P2RY14: variants seen among roughly 807,000 people sequenced by gnomAD.
P2RY14 encodes the protein P2Y purinoceptor 14.
In P2RY14, 2 loss-of-function variants were observed where a neutral mutation model predicts 0.9. The ratio of observed to expected loss-of-function variants is 2.16; its 90% CI spans 0.88 to 6.79. P2RY14 has a LOEUF of 6.79. Among genes scored for constraint, P2RY14 ranks in the 30% most tolerant of loss-of-function variants. The pLI is 0.05. For missense variants in P2RY14, 378 were observed against 400.1 expected (o/e 0.94, Z 0.47); for synonymous variants, 158 against 147.2 (o/e 1.07, Z -0.53).
At chr3:151,231,482 G>A (rs1424267841) in intron 1 of P2RY14, among the ~76,000 whole-genome samples, 3 of 152,166 alleles carry the variant, frequency 2.0e-5, no homozygotes, top group African/African-American at 7.2e-5. Flanking sequence ...TTAGTTAGAT[G>A]TACACAACAT....
chr3:151,257,172 C>T (rs968080701), intron 1 of P2RY14, among the ~76,000 whole-genome samples: 5 of 152,152 alleles, frequency 3.3e-5, no homozygotes, highest in African/African-American at 7.2e-5. Context: ...GAAGTGACCT[C>T]GCCTGGAAAG....
chr3:151,230,540 G>A (rs1192979183), intron 1 of P2RY14, among the ~76,000 whole-genome samples: 13 of 150,264 alleles, frequency 8.7e-5, no homozygotes, highest in African/African-American at 1.5e-4. Context: ...ACTGTGAAAC[G>A]TGCCAGGACT....
At position 151,212,960 on chromosome 3, in the gene P2RY14, A is replaced by C. The variant is rs118114705; in HGVS notation, c.*340T>G. On this transcript the variant is annotated 3_prime_UTR_variant, in exon 3 of 3. Coordinates refer to ENST00000309170, the MANE Select transcript of P2RY14 (RefSeq NM_014879.4). ...ATGCCTGAGTGAGTTGTCTTTGATT[A>C]TGTTGTGTTTTATTTACTATTTAAA... The C allele has an allele frequency of 6.4e-4, 100 of 157,296 alleles. 1 individual carries two copies. The East Asian group carries it at 0.017, about 27-fold the overall frequency. The allele number at this position is 157,296 out of a possible 1,614,324, so 9.7% of individuals were successfully genotyped here.
chr3:151,243,655 C>A (rs1320871001), intron 1 of P2RY14, among the ~76,000 whole-genome samples: 1 of 151,776 alleles, frequency 6.6e-6, no homozygotes, highest in Non-Finnish European at 1.5e-5. Context: ...CCAGCCGCTG[C>A]AAAATCATGC....
intron 1 of P2RY14, among the ~76,000 whole-genome samples, chr3:151,273,400 G>GTTTT (rs1167031698): frequency 2.7e-5 from 2 of 73,122 alleles, no homozygotes; most frequent in South Asian, 6.0e-4. Context: ...GCTAATTTTT[G>GTTTT]TATTTTTTTT....
chr3:151,222,621 T>A (rs939388606), intron 1 of P2RY14, among the ~76,000 whole-genome samples: 3 of 152,254 alleles, frequency 2.0e-5, no homozygotes, highest in African/African-American at 7.2e-5. Flanking sequence ...TTGTGAAGCC[T>A]CCTCAGCCAT....
At chr3:151,230,324 T>C (rs1360497570) in intron 1 of P2RY14, among the ~76,000 whole-genome samples, 1 of 152,260 alleles carries the variant, frequency 6.6e-6, no homozygotes, top group Admixed American at 6.5e-5. Flanking sequence ...CCACTTGTGA[T>C]ATTTCACCTT....
intron 1 of P2RY14, among the ~76,000 whole-genome samples, chr3:151,234,560 A>G (rs531902334): frequency 2.0e-5 from 3 of 152,350 alleles, no homozygotes; most frequent in Admixed American, 2.0e-4. Context: ...TAGGTGCTGT[A>G]TAAACTTTCT....
At position 151,212,399 on chromosome 3, in the gene P2RY14, A is replaced by C. The variant is rs1727316552; in HGVS notation, c.*901T>G. The C allele has an allele frequency of 6.6e-6, 1 of 152,206 alleles. No individual in the cohort carries two copies. Among genetic ancestry groups the C allele is most frequent in the African/African-American group, 2.4e-5 (1 of 41,444 alleles). 9.4% of individuals were successfully genotyped at this position (152,206 alleles called of 1,614,324 possible). ...TAATGTAAATTTTAGATTTAAAAAA[A>C]TCAAGTTTATTTGCTTTCTAAGAAA... On this transcript the variant is annotated 3_prime_UTR_variant, in exon 3 of 3. Transcript: ENST00000309170.
chr3:151,239,029 G>C (rs1733521788), intron 1 of P2RY14, among the ~76,000 whole-genome samples: 1 of 152,194 alleles, frequency 6.6e-6, no homozygotes, highest in Admixed American at 6.5e-5. Flanking sequence ...ACTGAAAGCA[G>C]AATTTTGGAA....
intron 1 of P2RY14, among the ~76,000 whole-genome samples, chr3:151,230,715 T>TA (rs1005092660): frequency 1.3e-5 from 2 of 152,024 alleles, no homozygotes; most frequent in African/African-American, 2.4e-5. Flanking sequence ...AAGTCCTTAA[T>TA]AAAAAAAAGT....
At chr3:151,217,437 C>T (rs1197847441) in intron 2 of P2RY14, among the ~76,000 whole-genome samples, 3 of 152,202 alleles carry the variant, frequency 2.0e-5, no homozygotes, top group African/African-American at 7.2e-5. Context: ...CTTCACTGCT[C>T]CCACCACTTT....
intron 1 of P2RY14, among the ~76,000 whole-genome samples, chr3:151,276,710 G>A (rs572248103): frequency 1.3e-5 from 2 of 152,250 alleles, no homozygotes; most frequent in African/African-American, 4.8e-5. Context: ...CTTCTGTTCA[G>A]CACTTTAGAA....
At chr3:151,226,910 G>T (rs1415964735) in intron 1 of P2RY14, among the ~76,000 whole-genome samples, 1 of 152,172 alleles carries the variant, frequency 6.6e-6, no homozygotes, top group Non-Finnish European at 1.5e-5. Context: ...ACCTATAAAT[G>T]GTGGAAACTC....
intron 1 of P2RY14, among the ~76,000 whole-genome samples, chr3:151,267,105 C>T (rs1282735276): frequency 6.6e-6 from 1 of 152,202 alleles, no homozygotes; most frequent in African/African-American, 2.4e-5. Flanking sequence ...CGTGTTAGAA[C>T]TCCTTACATT....
At chr3:151,263,654 A>C (rs12330831) in intron 1 of P2RY14, among the ~76,000 whole-genome samples, 67,747 of 152,016 alleles carry the variant, frequency 0.45, 15,335 homozygotes, top group Middle Eastern at 0.65. Flanking sequence ...AATCCAAGAA[A>C]AAATTAATTT....
chr3:151,249,992 A>G (rs867439266), intron 1 of P2RY14, among the ~76,000 whole-genome samples: 25 of 152,146 alleles, frequency 1.6e-4, no homozygotes, highest in African/African-American at 5.8e-4. Context: ...GCCTGTTATC[A>G]TTATCAAATA....
chr3:151,216,137 G>A lies in P2RY14; in HGVS notation c.-24-1797C>T, dbSNP rs150583291. Reference sequence around the variant, plus strand: ...AGCTCCTTCAGAGGAGAAAGATCATGTCATTTTTTTACTCTTGAATTCTTT... The same window carrying A: ...AGCTCCTTCAGAGGAGAAAGATCATATCATTTTTTTACTCTTGAATTCTTT... On this transcript the variant is annotated intron_variant, in intron 2 of 2. Transcript: ENST00000309170. Among the ~76,000 whole-genome samples, 261 of 152,252 alleles carry A rather than the reference G, an allele frequency of 1.7e-3. 1 individual carries two copies. Among genetic ancestry groups the A allele is most frequent in the African/African-American group, 5.7e-3 (238 of 41,534 alleles).
intron 1 of P2RY14, among the ~76,000 whole-genome samples, chr3:151,232,194 C>CT (rs1332627397): frequency 6.6e-6 from 1 of 152,130 alleles, no homozygotes; most frequent in East Asian, 1.9e-4. Context: ...TTTCTTTTCT[C>CT]TTTCTATATA....
Sources: gnomAD v4.1 joint callset for allele counts (sites outside exome capture counted in the v4.1 genomes callset) on GRCh38, gnomAD v4.1.1 for gene constraint, MANE v1.5 for transcripts, NCBI Gene and HGNC (gene_info 2026-07-23, HGNC 2026-07-21) for gene names.